AQP7B: variants seen among roughly 807,000 people sequenced by gnomAD.
The protein encoded by AQP7B is aquaporin 7B.
chr2:94,602,469 C>T, the AQP7B span: 14 of 1,596,606 alleles, frequency 8.8e-6, no homozygotes, highest in East Asian at 2.7e-4. Flanking sequence ...GCAGGCAGCC[C>T]CCTTAGAGGC....
At chr2:94,597,890 T>C in the AQP7B span, among the ~76,000 whole-genome samples, 2 of 152,052 alleles carry the variant, frequency 1.3e-5, no homozygotes, top group Non-Finnish European at 2.9e-5. Context: ...CAGGCATGAG[T>C]CACCGTGCCC....
At chr2:94,602,359 G>A in the AQP7B span, 962 of 871,590 alleles carry the variant, frequency 1.1e-3, 9 homozygotes, top group African/African-American at 0.012. Context: ...GGAAGAGGGC[G>A]TGGCAGAGGG....
chr2:94,604,239 C>T, the AQP7B span: 96 of 1,521,002 alleles, frequency 6.3e-5, 1 homozygote, highest in South Asian at 6.6e-4. Context: ...GATGAGGGTG[C>T]TGTCCTGGGC....
the AQP7B span, among the ~76,000 whole-genome samples, chr2:94,601,104 G>A: frequency 6.6e-6 from 1 of 152,172 alleles, no homozygotes; most frequent in Non-Finnish European, 1.5e-5. Context: ...CATGCATGGA[G>A]CAGCGCAGTC....
At chr2:94,602,427 T>C in the AQP7B span, 1 of 1,511,320 alleles carries the variant, frequency 6.6e-7, no homozygotes, top group Non-Finnish European at 9.0e-7. Flanking sequence ...AGAACTGAGC[T>C]CTGAGCCCTC....
At chr2:94,588,895 G>T in the AQP7B span, among the ~76,000 whole-genome samples, 6 of 151,380 alleles carry the variant, frequency 4.0e-5, no homozygotes, top group African/African-American at 1.5e-4. Context: ...CCCTGCCTAT[G>T]TAGTCCTTGT....
At chr2:94,587,744 C>G in the AQP7B span, among the ~76,000 whole-genome samples, 5 of 152,090 alleles carry the variant, frequency 3.3e-5, no homozygotes, top group African/African-American at 7.2e-5. Context: ...CTGAAGACCA[C>G]CAGCAGTGGA....
At chr2:94,594,937 A>C in the AQP7B span, 1 of 952,760 alleles carries the variant, frequency 1.0e-6, no homozygotes, top group Non-Finnish European at 1.6e-6. Context: ...CCCCCTCCCC[A>C]TGCTGACCCC....
At chr2:94,588,973 GTTTTTTTTTCTTT>G in the AQP7B span, among the ~76,000 whole-genome samples, 2 of 140,914 alleles carry the variant, frequency 1.4e-5, no homozygotes, top group East Asian at 2.1e-4. Flanking sequence ...TTTCTTTTCT[GTTTTTTTTTCTTT>G]TTTTTTTTTT....
chr2:94,604,474 G>A, the AQP7B span: 1 of 1,610,934 alleles, frequency 6.2e-7, no homozygotes, highest in Non-Finnish European at 8.5e-7. Flanking sequence ...ATGAACCCAT[G>A]ATCTCTCCCC....
the AQP7B span, among the ~76,000 whole-genome samples, chr2:94,599,096 C>G: frequency 6.6e-6 from 1 of 152,248 alleles, no homozygotes; most frequent in Non-Finnish European, 1.5e-5. Context: ...GCCAACACAC[C>G]TGGCCTATGC....
the AQP7B span, among the ~76,000 whole-genome samples, chr2:94,601,204 C>G: frequency 3.3e-5 from 5 of 152,220 alleles, no homozygotes; most frequent in Non-Finnish European, 1.5e-5. Context: ...ACAAGCCATT[C>G]AAGTTCTCTA....
chr2:94,589,925 A>C, the AQP7B span, among the ~76,000 whole-genome samples: 10 of 151,924 alleles, frequency 6.6e-5, no homozygotes, highest in South Asian at 4.2e-4. Flanking sequence ...AAATATCTAG[A>C]ATGTGCACAG....
chr2:94,590,673 T>A, the AQP7B span, among the ~76,000 whole-genome samples: 1 of 152,100 alleles, frequency 6.6e-6, no homozygotes, highest in Non-Finnish European at 1.5e-5. Context: ...CCGGGCATGG[T>A]GGCTCACGCC....
chr2:94,603,100 A>T, the AQP7B span: 1 of 1,580,728 alleles, frequency 6.3e-7, no homozygotes, highest in African/African-American at 1.3e-5. Context: ...CCCTGGAGGA[A>T]GTTTCCAGTC....
the AQP7B span, among the ~76,000 whole-genome samples, chr2:94,591,462 C>T: frequency 7.9e-5 from 12 of 152,270 alleles, no homozygotes; most frequent in African/African-American, 2.9e-4. Context: ...GCTCAGGCTG[C>T]CACCACTTCT....
At chr2:94,604,300 C>G in the AQP7B span, 1 of 1,605,768 alleles carries the variant, frequency 6.2e-7, no homozygotes, top group Non-Finnish European at 8.5e-7. Context: ...ATGGGGAGAA[C>G]TGGTGGTGGG....
chr2:94,597,246 C>T, the AQP7B span, among the ~76,000 whole-genome samples: 1 of 152,176 alleles, frequency 6.6e-6, no homozygotes, highest in Non-Finnish European at 1.5e-5. Flanking sequence ...ATTCACTTAC[C>T]ACAAGACATT....
the AQP7B span, among the ~76,000 whole-genome samples, chr2:94,594,113 G>GTCAT: frequency 7.2e-5 from 11 of 152,088 alleles, no homozygotes; most frequent in Non-Finnish European, 7.4e-5. Flanking sequence ...CTCTCTCTTG[G>GTCAT]TCATTCATTC....
Sources: allele counts gnomAD v4.1 joint callset (sites outside exome capture counted in the v4.1 genomes callset), GRCh38; gene constraint gnomAD v4.1.1; transcripts MANE v1.5; gene names NCBI Gene and HGNC (gene_info 2026-07-23, HGNC 2026-07-21).